ARHGAP11A: variants seen among roughly 807,000 people sequenced by gnomAD.
ARHGAP11A encodes rho GTPase-activating protein 11A.
ARHGAP11A carries 36 observed loss-of-function variants against 60.5 expected under a neutral mutation model. The ratio of observed to expected loss-of-function variants is 0.59; its 90% confidence interval spans 0.46 to 0.79. The LOEUF is 0.79. Ranked by LOEUF, ARHGAP11A falls within the 30% of genes least tolerant of loss-of-function variation. ARHGAP11A has a pLI of 0.00. For synonymous variants in ARHGAP11A, 362 were observed against 415.5 expected, an observed-to-expected ratio of 0.87 and a Z score of 1.57; for missense variants, 1,071 against 1,199.2, an observed-to-expected ratio of 0.89 and a Z score of 1.58.
chr15:32,637,338 T>C lies in ARHGAP11A; in HGVS notation c.2565T>C (p.Pro855=). The C allele has an allele frequency of 1.2e-6, 2 of 1,614,212 alleles. No individual in the cohort carries two copies. The highest frequency in any genetic ancestry group is 1.7e-6 in the Non-Finnish European group (2 of 1,180,038). ...INSLLEYSRQ[P]TGHKLASLGD... ...CTTTGTTGGAGTATAGCAGACAACCTACAGGGCATAAGTTGGCGAGTCTTG... is the reference window on the plus strand; with the variant it reads ...CTTTGTTGGAGTATAGCAGACAACCCACAGGGCATAAGTTGGCGAGTCTTG... The change falls in exon 12 of 12, where the codon CCT becomes CCC. Residue 855 remains proline (P), a synonymous_variant. Transcript: ENST00000361627.
At position 32,624,038 on chromosome 15, in the gene ARHGAP11A, G is replaced by A. The variant is rs962419621; in HGVS notation, c.298-135G>A. The A allele has an allele frequency of 4.8e-5, 29 of 610,178 alleles. 1 individual carries two copies. The East Asian group carries it at 7.5e-4, about 16-fold the overall frequency. 37.8% of individuals were successfully genotyped at this position (610,178 alleles called of 1,614,324 possible). A position where few individuals can be genotyped will look rare whatever the true frequency, so the allele number is the denominator to read the frequency against. On this transcript the variant is annotated intron_variant, in intron 3 of 11. Coordinates refer to ENST00000361627, the MANE Select transcript of ARHGAP11A (RefSeq NM_014783.6). ...AAATTCAAAAATCATTAAAAATAAA[G>A]TAGTGACATATATTAAAATAAGAGT... is the stretch of plus-strand genomic sequence containing the variant.
In ARHGAP11A at chr15:32,620,120, G is replaced by A; in HGVS notation, c.142G>A (p.Gly48Arg). 3 of 1,608,284 alleles carry A rather than the reference G, an allele frequency of 1.9e-6. No homozygotes were observed. The highest frequency in any genetic ancestry group is 2.5e-6 in the Non-Finnish European group (3 of 1,176,822). Reference sequence around the variant, plus strand: ...TTTGTCATTTTAGGGTAAAATATTTGGAGTACCTTTTAATGCACTGCCCCA... The same window carrying A: ...TTTGTCATTTTAGGGTAAAATATTTAGAGTACCTTTTAATGCACTGCCCCA... ...AATEIGGKIF[G>R]VPFNALPHSA... Residue 48 changes from glycine to arginine, a missense_variant, in exon 2 of 12, where the codon GGA becomes AGA. Physicochemically the swap from Gly to Arg is moderately radical, Grantham distance 125. This residue lies in a region of ARHGAP11A where 71 missense variants were observed against 142.4 expected (regional missense o/e 0.50). Transcript: ENST00000361627.
chr15:32,618,343 G>A (rs918508253), intron 1 of ARHGAP11A, among the ~76,000 whole-genome samples: 3 of 152,060 alleles, frequency 2.0e-5, no homozygotes, highest in African/African-American at 7.2e-5. Context: ...TTAAGTATCT[G>A]GTTTATTTTT....
intron 1 of ARHGAP11A, among the ~76,000 whole-genome samples, chr15:32,618,621 TAA>T (rs1436568882): frequency 3.9e-4 from 59 of 152,188 alleles, no homozygotes; most frequent in Non-Finnish European, 7.8e-4. Flanking sequence ...ACTCAGCTGT[TAA>T]GCAAGAGTTA....
chr15:32,639,218 CAG>C lies in ARHGAP11A; in HGVS notation c.*1375_*1376del, dbSNP rs2053792405. 1 of 152,104 alleles carries C rather than the reference CAG, an allele frequency of 6.6e-6. No homozygotes were observed. 9.4% of individuals were successfully genotyped at this position (152,104 alleles called of 1,614,324 possible). ...GGTTGTAGAGGAAGGAATAAGCAGA[CAG>C]AATCAACCACTAAAGGTAGTTTTTC... On this transcript the variant is annotated 3_prime_UTR_variant, in exon 12 of 12. Transcript: ENST00000361627.
chr15:32,625,692 T>G (rs1183173798), intron 6 of ARHGAP11A, 59 bp downstream of exon 6: 4 of 1,582,948 alleles, frequency 2.5e-6, no homozygotes, highest in Non-Finnish European at 3.4e-6. Flanking sequence ...AAAGTACATT[T>G]CACATAAAGA....
intron 2 of ARHGAP11A, among the ~76,000 whole-genome samples, chr15:32,621,170 A>G (rs1241887651): frequency 7.4e-6 from 1 of 134,412 alleles, no homozygotes; most frequent in African/African-American, 2.7e-5. Context: ...CTATTTATAA[A>G]TAACCTTTTA....
intron 9 of ARHGAP11A, 138 bp downstream of exon 9, chr15:32,633,246 T>A (rs2053626738): frequency 1.1e-6 from 1 of 944,006 alleles, no homozygotes; most frequent in Non-Finnish European, 1.5e-6. Context: ...ATAGTCTTAT[T>A]AATCAATTGC....
In ARHGAP11A at chr15:32,638,301, G is replaced by C. The variant is rs1394069474; in HGVS notation, c.*456G>C. 6.5e-6 allele frequency: 1 copy of C among 153,602 alleles called. No individual in the cohort carries two copies. Among genetic ancestry groups the C allele is most frequent in the African/African-American group, 2.4e-5 (1 of 41,458 alleles). 9.5% of individuals were successfully genotyped at this position (153,602 alleles called of 1,614,324 possible). ...TTAGCCAGGATGGTCTCGATCTCCT[G>C]ACGTTGTGATCCGCCCGCCTCAGCC... On this transcript the variant is annotated 3_prime_UTR_variant, in exon 12 of 12. Transcript: ENST00000361627.
chr15:32,625,051 C>T (rs373164350), intron 4 of ARHGAP11A, 29 bp from the exon 5 acceptor site: 237 of 1,611,574 alleles, frequency 1.5e-4, no homozygotes, highest in Non-Finnish European at 1.9e-4. Context: ...ACGTTTGGCT[C>T]CATCTAATAA....
chr15:32,628,371 A>G (rs1205916728), intron 6 of ARHGAP11A, among the ~76,000 whole-genome samples: 2 of 152,192 alleles, frequency 1.3e-5, no homozygotes, highest in Non-Finnish European at 1.5e-5. Flanking sequence ...TCTTTTAAAT[A>G]CTTTTATTCG....
chr15:32,626,392 T>C (rs1440694309), intron 6 of ARHGAP11A, among the ~76,000 whole-genome samples: 3 of 152,176 alleles, frequency 2.0e-5, no homozygotes, highest in Non-Finnish European at 4.4e-5. Flanking sequence ...GAGTTGGTAA[T>C]AAAACTTGCA....
At chr15:32,626,961 G>A (rs1406299799) in intron 6 of ARHGAP11A, among the ~76,000 whole-genome samples, 1 of 152,126 alleles carries the variant, frequency 6.6e-6, no homozygotes, top group African/African-American at 2.4e-5. Flanking sequence ...CATAGGAACT[G>A]GGGGTTAGGA....
At chr15:32,634,126 C>A (rs2053650272) in intron 10 of ARHGAP11A, 85 bp downstream of exon 10, 1 of 817,590 alleles carries the variant, frequency 1.2e-6, no homozygotes, top group Non-Finnish European at 1.9e-6. Context: ...CCCTACCTTC[C>A]TTCCAGTGAC....
chr15:32,617,632 T>C (rs911932202), intron 1 of ARHGAP11A, among the ~76,000 whole-genome samples: 1 of 151,996 alleles, frequency 6.6e-6, no homozygotes, highest in Non-Finnish European at 1.5e-5. Flanking sequence ...CCACCACACC[T>C]GGCTAATTTT....
Position 32,638,861 on chromosome 15 carries a change from A to C in ARHGAP11A, c.*1016A>C, listed in dbSNP as rs2053784810. ...ATATAGATTTGGCAATTATTTAAAG[A>C]GGGATAATCTTGAAAAAAATTAACC... On this transcript the variant is annotated 3_prime_UTR_variant, in exon 12 of 12. Transcript: ENST00000361627. 1 of 152,642 alleles carries C rather than the reference A, an allele frequency of 6.6e-6. No homozygotes were observed. Among genetic ancestry groups the C allele is most frequent in the African/African-American group, 2.4e-5 (1 of 41,456 alleles). 9.5% of individuals were successfully genotyped at this position (152,642 alleles called of 1,614,324 possible).
At chr15:32,626,936 A>G (rs2053472470) in intron 6 of ARHGAP11A, among the ~76,000 whole-genome samples, 1 of 152,140 alleles carries the variant, frequency 6.6e-6, no homozygotes, top group Non-Finnish European at 1.5e-5. Flanking sequence ...CACGAATTCC[A>G]AGTATGGTCA....
At chr15:32,625,995 G>T (rs2053450231) in intron 6 of ARHGAP11A, among the ~76,000 whole-genome samples, 1 of 151,994 alleles carries the variant, frequency 6.6e-6, no homozygotes, top group Non-Finnish European at 1.5e-5. Flanking sequence ...ATGAAGAAAG[G>T]TTTGTGTAGG....
At position 32,637,461 on chromosome 15, in the gene ARHGAP11A, C is replaced by T. The variant is rs2053748973; in HGVS notation, c.2688C>T (p.Ile896=). 1.2e-6 allele frequency: 2 copies of T among 1,613,902 alleles called. No homozygotes were observed. Among genetic ancestry groups the T allele is most frequent in the Non-Finnish European group, 1.7e-6 (2 of 1,180,030 alleles). Residue 896 remains isoleucine (I), a synonymous_variant, in exon 12 of 12, where the codon ATC becomes ATT. Transcript: ENST00000361627. The part of the protein sequence containing the change: ...SASKDSSVSC[I]KSGPKEQKSM... Reference sequence around the variant, plus strand: ...CAAAAGATTCCTCTGTTTCATGTATCAAATCAGGTCCTAAAGAACAGAAGT... The same window carrying T: ...CAAAAGATTCCTCTGTTTCATGTATTAAATCAGGTCCTAAAGAACAGAAGT...
Sources: allele counts gnomAD v4.1 joint callset (sites outside exome capture counted in the v4.1 genomes callset), GRCh38; gene constraint gnomAD v4.1.1; regional missense constraint gnomAD v4.1.1; transcripts MANE v1.5; gene names NCBI Gene and HGNC (gene_info 2026-07-23, HGNC 2026-07-21).